Variants in AGMO observed in about 807,000 individuals in gnomAD.
AGMO encodes alkylglycerol monooxygenase.
Under a neutral mutation model 60.2 loss-of-function variants are expected in AGMO, and 75 were observed. The observed-to-expected ratio is 1.25, with a 90% CI of 1.03 to 1.51. AGMO has a LOEUF of 1.51. Among genes scored for constraint, AGMO ranks in the 40% most tolerant of loss-of-function variants. AGMO has a pLI of 0.00. For missense variants in AGMO, 763 were observed against 525.5 expected (o/e 1.45, Z -4.42); for synonymous variants, 261 against 177.1 (o/e 1.47, Z -3.76).
intron 12 of AGMO, among the ~76,000 whole-genome samples, chr7:15,264,360 C>T (rs1783370907): frequency 6.6e-6 from 1 of 151,608 alleles, no homozygotes; most frequent in South Asian, 2.1e-4. Flanking sequence ...GCAATAAAAC[C>T]AAAGTAATGG....
chr7:15,438,698 A>C (rs990877966), intron 3 of AGMO, among the ~76,000 whole-genome samples: 2 of 152,198 alleles, frequency 1.3e-5, no homozygotes, highest in Non-Finnish European at 1.5e-5. Context: ...GCCCTAGGGT[A>C]CGCAAAGACA....
chr7:15,279,239 A>T (rs1419636441), intron 12 of AGMO, among the ~76,000 whole-genome samples: 1 of 152,100 alleles, frequency 6.6e-6, no homozygotes, highest in Non-Finnish European at 1.5e-5. Context: ...CCTTCCCTGC[A>T]TTAGGGGTCC....
At chr7:15,294,861 A>G (rs763301622) in intron 12 of AGMO, among the ~76,000 whole-genome samples, 3 of 152,000 alleles carry the variant, frequency 2.0e-5, no homozygotes, top group African/African-American at 7.2e-5. Context: ...TATGCAACTG[A>G]AAAGTCATGA....
the AGMO span, among the ~76,000 whole-genome samples, chr7:15,183,678 T>A: frequency 6.6e-6 from 1 of 152,226 alleles, no homozygotes; most frequent in Admixed American, 6.5e-5. Context: ...AAGTCATTGC[T>A]ACTTAAGAGA....
At chr7:15,357,594 T>C (rs1372433004) in intron 12 of AGMO, among the ~76,000 whole-genome samples, 1 of 152,232 alleles carries the variant, frequency 6.6e-6, no homozygotes, top group Admixed American at 6.5e-5. Context: ...ATAGAGTCTC[T>C]GAGCCTAGGC....
chr7:15,446,318 G>C (rs973217483), intron 3 of AGMO, among the ~76,000 whole-genome samples: 8 of 152,052 alleles, frequency 5.3e-5, no homozygotes, highest in African/African-American at 1.9e-4. Flanking sequence ...CTCTTTCCCT[G>C]TGATCAGCTT....
the AGMO span, among the ~76,000 whole-genome samples, chr7:15,179,985 G>T: frequency 6.6e-6 from 1 of 152,156 alleles, no homozygotes; most frequent in Admixed American, 6.5e-5. Context: ...AACCTATGGG[G>T]CATTCTCTGG....
chr7:15,340,124 G>A (rs900500810), intron 12 of AGMO, among the ~76,000 whole-genome samples: 1 of 152,150 alleles, frequency 6.6e-6, no homozygotes, highest in African/African-American at 2.4e-5. Context: ...CTTGAGGATG[G>A]AACCCAAGCC....
At chr7:15,554,698 A>G (rs1785074785) in intron 2 of AGMO, among the ~76,000 whole-genome samples, 1 of 152,154 alleles carries the variant, frequency 6.6e-6, no homozygotes, top group South Asian at 2.1e-4. Context: ...CTAAATTGCT[A>G]TTTAGTATTA....
chr7:15,365,892 T>C (rs2128561519), intron 11 of AGMO, among the ~76,000 whole-genome samples: 1 of 152,092 alleles, frequency 6.6e-6, no homozygotes, highest in African/African-American at 2.4e-5. Context: ...CAACTAAATT[T>C]CTAGGGTTTA....
At chr7:15,323,176 A>T (rs1781235231) in intron 12 of AGMO, among the ~76,000 whole-genome samples, 1 of 152,032 alleles carries the variant, frequency 6.6e-6, no homozygotes. Flanking sequence ...TGATAAGCGA[A>T]TGATCTTGTT....
At chr7:15,276,622 A>C (rs779274791) in intron 12 of AGMO, among the ~76,000 whole-genome samples, 11 of 152,092 alleles carry the variant, frequency 7.2e-5, no homozygotes, top group South Asian at 2.1e-4. Flanking sequence ...TATTCACTCA[A>C]ATGTGTTTTT....
chr7:15,363,039 A>AT (rs1782825409), intron 12 of AGMO, among the ~76,000 whole-genome samples: 1 of 152,208 alleles, frequency 6.6e-6, no homozygotes, highest in Non-Finnish European at 1.5e-5. Context: ...AAGTAACTAC[A>AT]TCATAGGTTT....
chr7:15,483,508 G>A (rs1008123260), intron 3 of AGMO, among the ~76,000 whole-genome samples: 5 of 152,136 alleles, frequency 3.3e-5, no homozygotes, highest in Admixed American at 3.3e-4. Flanking sequence ...GGAGCTTGCA[G>A]TGAGCCGCGA....
intron 12 of AGMO, among the ~76,000 whole-genome samples, chr7:15,290,616 G>A (rs1238820702): frequency 6.6e-6 from 1 of 152,154 alleles, no homozygotes; most frequent in African/African-American, 2.4e-5. Context: ...GTCACATAGA[G>A]GAATGGGCAC....
At chr7:15,118,213 T>C in the AGMO span, among the ~76,000 whole-genome samples, 80 of 122,042 alleles carry the variant, frequency 6.6e-4, 2 homozygotes, top group South Asian at 1.3e-3. Flanking sequence ...CACACACATA[T>C]ATACAAACAG....
At chr7:15,447,503 G>T (rs1454525641) in intron 3 of AGMO, among the ~76,000 whole-genome samples, 1 of 152,152 alleles carries the variant, frequency 6.6e-6, no homozygotes, top group African/African-American at 2.4e-5. Context: ...TTCAGAAGCT[G>T]TGTGACCATG....
At chr7:15,536,508 A>T (rs1177866208) in intron 3 of AGMO, among the ~76,000 whole-genome samples, 2 of 151,906 alleles carry the variant, frequency 1.3e-5, no homozygotes, top group South Asian at 2.1e-4. Context: ...ATGAGAGGAC[A>T]GTTTATTTAT....
rs1017313070 is a variant in AGMO at position 15,208,117 on chromosome 7, G to A, written c.1264-6758C>T. On this transcript the variant is annotated intron_variant, in intron 12 of 12. Coordinates refer to ENST00000342526, the MANE Select transcript of AGMO (RefSeq NM_001004320.2). Reference sequence around the variant, plus strand: ...TATATTCATGGGGTGTCCAGAAAATGTGCCTTGTTTAAATTGAAGCTTGAA... The same window carrying A: ...TATATTCATGGGGTGTCCAGAAAATATGCCTTGTTTAAATTGAAGCTTGAA... Among the ~76,000 whole-genome samples the A allele has an allele frequency of 8.6e-4, 131 of 152,232 alleles. 1 individual carries two copies. Among genetic ancestry groups the A allele is most frequent in the African/African-American group, 3.1e-3 (127 of 41,556 alleles).
Sources: gnomAD v4.1 joint callset for allele counts (sites outside exome capture counted in the v4.1 genomes callset) on GRCh38, gnomAD v4.1.1 for gene constraint, MANE v1.5 for transcripts, NCBI Gene and HGNC (gene_info 2026-07-23, HGNC 2026-07-21) for gene names.